MAP1B: variants seen among roughly 807,000 people sequenced by gnomAD.
MAP1B encodes the protein microtubule associated protein 1B, also known as microtubule-associated protein 1B.
Under a neutral mutation model 176.1 loss-of-function variants are expected in MAP1B, and 12 were observed. That is an observed-to-expected ratio of 0.07 (90% CI 0.04 to 0.11). The LOEUF is 0.11. MAP1B is among the 10% of genes least tolerant of loss of function. The pLI is 1.00. For missense variants in MAP1B, 2,523 were observed against 2,990.5 expected (o/e 0.84, Z 3.65); for synonymous variants, 1,044 against 1,135.0 (o/e 0.92, Z 1.61).
Position 72,206,760 on chromosome 5 carries a change from A to G in MAP1B, c.*1521A>G, listed in dbSNP as rs1194778912. 1 of 152,114 alleles carries G rather than the reference A, an allele frequency of 6.6e-6. No homozygotes were observed. Among genetic ancestry groups the G allele is most frequent in the Non-Finnish European group, 1.5e-5 (1 of 68,024 alleles). 9.4% of individuals were successfully genotyped at this position (152,114 alleles called of 1,614,324 possible). A position where few individuals can be genotyped will look rare whatever the true frequency, so the allele number is the denominator to read the frequency against. ...TAATGTTTTTTGAAGTTCTGGCAAG[A>G]TTGAAGTCTGATATTGCAGTAATGA... On this transcript the variant is annotated 3_prime_UTR_variant, in exon 7 of 7. Transcript: ENST00000296755.
At chr5:72,177,657 G>A (rs1746677311) in intron 2 of MAP1B, among the ~76,000 whole-genome samples, 1 of 152,160 alleles carries the variant, frequency 6.6e-6, no homozygotes, top group African/African-American at 2.4e-5. Flanking sequence ...GTGGGTTTCT[G>A]CAGAAAGGAG....
In MAP1B at chr5:72,199,873, C is replaced by A. The variant is rs1378123200; in HGVS notation, c.6518C>A (p.Thr2173Lys). 4 of 1,614,200 alleles carry A rather than the reference C, an allele frequency of 2.5e-6. No homozygotes were observed. Among genetic ancestry groups the A allele is most frequent in the South Asian group, 1.1e-5 (1 of 91,086 alleles). ...PPETEECPSI[T>K]ADANIDSEDE... ...GAGACTGAAGAGTGCCCCTCCATCACGGCCGATGCCAATATCGACTCTGAA... is the reference window on the plus strand; with the variant it reads ...GAGACTGAAGAGTGCCCCTCCATCAAGGCCGATGCCAATATCGACTCTGAA... The change falls in exon 5 of 7, where the codon ACG (threonine) becomes AAG (lysine). Residue 2173 changes from threonine (T) to lysine (K), a missense_variant. Thr to Lys is a moderately conservative substitution (Grantham distance 78, BLOSUM62 -1). Transcript: ENST00000296755. The surrounding 1 kb of genome is among the most constrained non-coding windows in gnomAD (Gnocchi z 4.2).
chr5:72,154,294 G>A (rs548096014), intron 2 of MAP1B, among the ~76,000 whole-genome samples: 1 of 152,296 alleles, frequency 6.6e-6, no homozygotes, highest in East Asian at 1.9e-4. Context: ...CATGTATAAT[G>A]CCACACAGAC....
At chr5:72,162,653 G>A (rs528273616) in intron 2 of MAP1B, among the ~76,000 whole-genome samples, 2 of 152,242 alleles carry the variant, frequency 1.3e-5, no homozygotes, top group South Asian at 4.1e-4. Context: ...TGTCACCTCG[G>A]TGGAGTCCAG....
At chr5:72,153,290 A>G (rs1393040726) in intron 2 of MAP1B, among the ~76,000 whole-genome samples, 2 of 151,948 alleles carry the variant, frequency 1.3e-5, no homozygotes, top group Admixed American at 6.6e-5. Flanking sequence ...GCGGGGAGGG[A>G]GGGTGGACAT....
At chr5:72,165,423 A>G (rs1462141466) in intron 2 of MAP1B, among the ~76,000 whole-genome samples, 1 of 152,220 alleles carries the variant, frequency 6.6e-6, no homozygotes, top group Non-Finnish European at 1.5e-5. Context: ...AATCTAAAAT[A>G]AATCGGAATT....
At chr5:72,128,190 C>T in intron 2 of MAP1B, among the ~76,000 whole-genome samples, 1 of 152,130 alleles carries the variant, frequency 6.6e-6, no homozygotes, top group Non-Finnish European at 1.5e-5. Context: ...CTCTCTGTGC[C>T]TCAGGGTCCT....
chr5:72,195,507 A>T lies in MAP1B; in HGVS notation c.2152A>T (p.Lys718Ter), dbSNP rs980328645. ...CAAGAAGGAAGTTAAGAAGGAAGAGAAGAAGGAAGTGAAAAAGGAAGAAAA... is the reference window on the plus strand; with the variant it reads ...CAAGAAGGAAGTTAAGAAGGAAGAGTAGAAGGAAGTGAAAAAGGAAGAAAA... ...EVKKEVKKEEKKEVKKEEKEP... is the reference protein window; with the variant it reads ...EVKKEVKKEE Residue 718 changes from lysine to a stop codon, truncating the protein, a stop_gained, in exon 5 of 7, where the codon AAG (lysine) becomes TAG (stop). Coordinates refer to ENST00000296755, the MANE Select transcript of MAP1B (RefSeq NM_005909.5). LOFTEE classifies it high-confidence loss of function. 1 of 1,588,704 alleles carries T rather than the reference A, an allele frequency of 6.3e-7. No homozygotes were observed. The highest frequency in any genetic ancestry group is 1.9e-5 in the Admixed American group (1 of 52,640).
At chr5:72,132,066 A>T (rs945325701) in intron 2 of MAP1B, among the ~76,000 whole-genome samples, 10 of 152,216 alleles carry the variant, frequency 6.6e-5, no homozygotes, top group African/African-American at 2.4e-4. Context: ...AATAACCTGT[A>T]TATTATTTAG....
At chr5:72,135,962 T>C (rs1409277831) in intron 2 of MAP1B, among the ~76,000 whole-genome samples, 1 of 152,008 alleles carries the variant, frequency 6.6e-6, no homozygotes, top group Non-Finnish European at 1.5e-5. Context: ...TGACCAGGAG[T>C]CTCCATTTAC....
chr5:72,161,933 G>C (rs1746331386), intron 2 of MAP1B, among the ~76,000 whole-genome samples: 2 of 144,714 alleles, frequency 1.4e-5, no homozygotes, highest in African/African-American at 5.3e-5. Context: ...CTACAGCCTG[G>C]GTGACAAAGC....
Position 72,196,675 on chromosome 5 carries a change from A to C in MAP1B, c.3320A>C (p.Glu1107Ala). The C allele has an allele frequency of 6.2e-7, 1 of 1,614,116 alleles. No individual in the cohort carries two copies. The highest frequency in any genetic ancestry group is 2.2e-5 in the East Asian group (1 of 44,878). Residue 1107 changes from glutamate (E) to alanine (A), a missense_variant, in exon 5 of 7, where the codon GAA becomes GCA. Physicochemically the swap from Glu to Ala is moderately radical, Grantham distance 107 (BLOSUM62 -1). Transcript: ENST00000296755. The surrounding 1 kb of genome is among the most constrained non-coding windows in gnomAD (Gnocchi z 5.3). ...EATASDEENR[E>A]DQPEEFTATS... is the part of the protein sequence containing the mutation. ...ACCGCTTCTGATGAGGAGAATCGAGAAGACCAGCCTGAGGAATTCACTGCC... is the reference window on the plus strand; with the variant it reads ...ACCGCTTCTGATGAGGAGAATCGAGCAGACCAGCCTGAGGAATTCACTGCC...
chr5:72,142,385 G>A (rs2112155207), intron 2 of MAP1B, among the ~76,000 whole-genome samples: 1 of 152,296 alleles, frequency 6.6e-6, no homozygotes, highest in South Asian at 2.1e-4. Flanking sequence ...CAAGGAGGAG[G>A]GGCAGGTAGT....
chr5:72,114,202 TGA>T (rs1341295566), intron 1 of MAP1B, among the ~76,000 whole-genome samples: 3 of 152,206 alleles, frequency 2.0e-5, no homozygotes, highest in Admixed American at 6.5e-5. Context: ...TGCAGTGAAC[TGA>T]GTTTCCAGAA....
chr5:72,122,221 C>A (rs1429713819), intron 2 of MAP1B, among the ~76,000 whole-genome samples: 2 of 152,124 alleles, frequency 1.3e-5, no homozygotes, highest in African/African-American at 4.8e-5. Flanking sequence ...GCCCCGTGCC[C>A]TGAGCCCTCC....
chr5:72,164,918 G>GGAAGAGTCTCTTTCCTTTCTTC (rs1746395924), intron 2 of MAP1B, among the ~76,000 whole-genome samples: 1 of 152,062 alleles, frequency 6.6e-6, no homozygotes, highest in Non-Finnish European at 1.5e-5. Flanking sequence ...TATTTTTCTT[G>GGAAGAGTCTCTTTCCTTTCTTC]GAAGAGTCTC....
intron 1 of MAP1B, among the ~76,000 whole-genome samples, chr5:72,107,968 G>A (rs1745146729): frequency 6.6e-6 from 1 of 152,350 alleles, no homozygotes; most frequent in Middle Eastern, 3.4e-3. Flanking sequence ...CCTGTGCTGA[G>A]TTGGCCACCG....
chr5:72,189,343 G>T (rs1746976747), intron 4 of MAP1B, among the ~76,000 whole-genome samples: 1 of 152,162 alleles, frequency 6.6e-6, no homozygotes, highest in Non-Finnish European at 1.5e-5. Context: ...CAGTCTCTGT[G>T]TTGGAAAGTT....
In MAP1B at chr5:72,194,046, G is replaced by A. The variant is rs1314154372; in HGVS notation, c.691G>A (p.Glu231Lys). 4 of 1,614,166 alleles carry A rather than the reference G, an allele frequency of 2.5e-6. No homozygotes were observed. The highest frequency in any genetic ancestry group is 3.4e-6 in the Non-Finnish European group (4 of 1,180,028). ...AATGGAAGGACTTTCTGAGTTTACC[G>A]AGTATCTCTCAGAATCAGTGGAAGT... ...PEMEGLSEFT[E>K]YLSESVEVPS... The change falls in exon 5 of 7, where the codon GAG becomes AAG. Residue 231 changes from glutamate to lysine, a missense_variant. Transcript: ENST00000296755. The surrounding 1 kb of genome is among the most constrained non-coding windows in gnomAD (Gnocchi z 7.2).
Sources: gnomAD v4.1 joint callset for allele counts (sites outside exome capture counted in the v4.1 genomes callset) on GRCh38, gnomAD v4.1.1 for gene constraint, Gnocchi (gnomAD v3.1) non-coding constraint, MANE v1.5 for transcripts, NCBI Gene and HGNC (gene_info 2026-07-23, HGNC 2026-07-21) for gene names.